Variants in MYLK observed in about 807,000 individuals in gnomAD.
MYLK encodes the protein myosin light chain kinase, also known as myosin light chain kinase, smooth muscle.
Under a neutral mutation model 203.4 loss-of-function variants are expected in MYLK, and 106 were observed. The ratio of observed to expected loss-of-function variants is 0.52; its 90% CI spans 0.45 to 0.61. The LOEUF (loss-of-function observed/expected upper bound fraction) is 0.61, where lower values mean the gene tolerates loss of function less well. Ranked by LOEUF, MYLK falls within the 20% of genes least tolerant of loss-of-function variation. The pLI, the probability that MYLK is intolerant of heterozygous loss-of-function variation, is 0.00. For missense variants in MYLK, 2,072 were observed against 2,442.3 expected (o/e 0.85, Z 3.20); for synonymous variants, 867 against 959.5 (o/e 0.90, Z 1.78).
In MYLK at chr3:123,787,508, G is replaced by A. The variant is rs150016921; in HGVS notation, c.165+6169C>T. Among the ~76,000 whole-genome samples the A allele has an allele frequency of 2.3e-3, 351 of 152,298 alleles. 4 individuals are homozygous for A. Among genetic ancestry groups the A allele is most frequent in the Middle Eastern group, 0.02 (6 of 294 alleles). On this transcript the variant is annotated intron_variant, in intron 4 of 33. Coordinates refer to ENST00000360304, the MANE Select transcript of MYLK (RefSeq NM_053025.4). Reference sequence around the variant, plus strand: ...CTCAGGGGCACCAAACACTGCTTGAGCATTCATCATATGGCAGGCATTCAT... The same window carrying A: ...CTCAGGGGCACCAAACACTGCTTGAACATTCATCATATGGCAGGCATTCAT...
chr3:123,807,911 A>C (rs1303263213), intron 3 of MYLK, among the ~76,000 whole-genome samples: 1 of 152,198 alleles, frequency 6.6e-6, no homozygotes, highest in Non-Finnish European at 1.5e-5. Context: ...CAGTGTGACA[A>C]GCTCTATGTT....
chr3:123,785,870 T>C (rs1432989714), intron 4 of MYLK, among the ~76,000 whole-genome samples: 1 of 152,222 alleles, frequency 6.6e-6, no homozygotes, highest in East Asian at 1.9e-4. Flanking sequence ...TTCATGTTAA[T>C]TTAAGTTTAA....
At chr3:123,708,935 T>G (rs1576670742) in intron 14 of MYLK, 40 bp from the exon 15 acceptor site, 1 of 1,579,260 alleles carries the variant, frequency 6.3e-7, no homozygotes, top group Non-Finnish European at 8.7e-7. Flanking sequence ...GTTAGGGAGG[T>G]CCTCCCCGGC....
chr3:123,733,174 G>A (rs2062547965), intron 10 of MYLK, 72 bp from the exon 11 acceptor site: 5 of 1,525,962 alleles, frequency 3.3e-6, no homozygotes, highest in South Asian at 1.2e-5. Context: ...GGTAGGTGGG[G>A]AAGGTGTGAG....
At chr3:123,709,134 ATTT>A (rs1161776768) in intron 14 of MYLK, 1,752 of 171,174 alleles carry the variant, frequency 0.01, no homozygotes, top group South Asian at 0.024. Context: ...TTCTCACATA[ATTT>A]TTTTTTTTTT....
chr3:123,742,851 G>A lies in MYLK; in HGVS notation c.374-2850C>T, dbSNP rs368950236. Among the ~76,000 whole-genome samples, 22 of 152,312 alleles carry A rather than the reference G, an allele frequency of 1.4e-4. 1 individual carries two copies. In the South Asian group the frequency reaches 2.9e-3, roughly 20 times the overall value. On this transcript the variant is annotated intron_variant, in intron 5 of 33. Transcript: ENST00000360304. ...GATGGACATTGAAAAAGTGCATTAA[G>A]TGAAGGAGCTCAGACCCAAAAGGCC...
chr3:123,692,638 G>T, intron 19 of MYLK, 97 bp downstream of exon 19: 1 of 989,034 alleles, frequency 1.0e-6, no homozygotes, highest in Non-Finnish European at 1.6e-6. Flanking sequence ...AGTGTTGGAG[G>T]CAGTTCTGTC....
intron 4 of MYLK, among the ~76,000 whole-genome samples, chr3:123,775,314 T>C (rs2064032166): frequency 6.6e-6 from 1 of 152,222 alleles, no homozygotes; most frequent in African/African-American, 2.4e-5. Context: ...ATTATAGGCA[T>C]GGGGTACCTC....
At position 123,640,300 on chromosome 3, in the gene MYLK, C is replaced by G. The variant is rs747423188; in HGVS notation, c.4824G>C (p.Leu1608=). 2 of 1,613,798 alleles carry G rather than the reference C, an allele frequency of 1.2e-6. No individual in the cohort carries two copies. The highest frequency in any genetic ancestry group is 1.7e-5 in the Admixed American group (1 of 59,988). ...GATGAGCCTTACCCAGCCTCCTGGC[C>G]AGACCAAAGTCGATGAGCTTGATCC... The part of the protein sequence containing the change: ...GTRIKLIDFG[L]ARRLENAGSL... Residue 1608 remains leucine, a synonymous_variant, in exon 28 of 34, where the codon CTG becomes CTC. Coordinates refer to ENST00000360304, the MANE Select transcript of MYLK (RefSeq NM_053025.4). The surrounding 1 kb of genome is among the most constrained non-coding windows in gnomAD (Gnocchi z 4.3).
intron 4 of MYLK, among the ~76,000 whole-genome samples, chr3:123,771,481 T>C (rs557518511): frequency 1.3e-5 from 2 of 152,342 alleles, no homozygotes; most frequent in African/African-American, 4.8e-5. Context: ...TTTCTCTTTG[T>C]AATACAATCA....
At chr3:123,730,858 T>C (rs2062451198) in intron 11 of MYLK, among the ~76,000 whole-genome samples, 1 of 152,206 alleles carries the variant, frequency 6.6e-6, no homozygotes, top group Admixed American at 6.5e-5. Flanking sequence ...ACTCTGTGAA[T>C]ATATTAAAAA....
chr3:123,787,662 G>A (rs2064588448), intron 4 of MYLK, among the ~76,000 whole-genome samples: 1 of 152,090 alleles, frequency 6.6e-6, no homozygotes, highest in African/African-American at 2.4e-5. Context: ...ATCACTTACT[G>A]GTGTAAATGT....
intron 1 of MYLK, among the ~76,000 whole-genome samples, chr3:123,883,421 C>T (rs190109516): frequency 6.6e-6 from 1 of 152,110 alleles, no homozygotes; most frequent in African/African-American, 2.4e-5. Context: ...GTGCCCCGCA[C>T]CCCAACACAC....
intron 29 of MYLK, chr3:123,630,438 T>A (rs2058364188): frequency 6.6e-6 from 1 of 152,240 alleles, no homozygotes; most frequent in African/African-American, 2.4e-5. Flanking sequence ...ACAAGTGAAC[T>A]CACTTAATCT....
chr3:123,873,238 A>T (rs1464449229), intron 2 of MYLK, among the ~76,000 whole-genome samples: 2 of 152,198 alleles, frequency 1.3e-5, no homozygotes, highest in Non-Finnish European at 2.9e-5. Flanking sequence ...TGAACAAATC[A>T]TTATTCATTC....
At chr3:123,654,181 C>T (rs2059318201) in intron 24 of MYLK, among the ~76,000 whole-genome samples, 1 of 152,196 alleles carries the variant, frequency 6.6e-6, no homozygotes, top group Admixed American at 6.5e-5. Flanking sequence ...CTGCTCTATG[C>T]ATATTGACAT....
At chr3:123,853,116 T>C (rs927084431) in intron 2 of MYLK, among the ~76,000 whole-genome samples, 2 of 151,510 alleles carry the variant, frequency 1.3e-5, no homozygotes, top group Non-Finnish European at 2.9e-5. Context: ...AGTCACCGAA[T>C]AACTCTAGAG....
chr3:123,647,327 T>C lies in MYLK; in HGVS notation c.4516A>G (p.Ile1506Val). 6.2e-7 allele frequency: 1 copy of C among 1,614,242 alleles called. No homozygotes were observed. Among genetic ancestry groups the C allele is most frequent in the Non-Finnish European group, 8.5e-7 (1 of 1,180,022 alleles). ...KAYSAKEKEN[I>V]RQEISIMNCL... ...TTCATGATGCTAATCTCCTGCCGGA[T>C]ATTCTCTTTCTCTTTTGCTGAATAT... The change falls in exon 27 of 34, where the codon ATC becomes GTC. Residue 1506 changes from isoleucine (I) to valine (V), a missense_variant. Ile to Val is a conservative substitution (Grantham distance 29, BLOSUM62 3). Around this residue, in one of 3 missense-constraint regions of MYLK, gnomAD observed 524 missense variants for 782.4 expected, o/e 0.67. Coordinates refer to ENST00000360304, the MANE Select transcript of MYLK (RefSeq NM_053025.4).
intron 29 of MYLK, chr3:123,630,822 T>C (rs1456374203): frequency 6.6e-6 from 1 of 152,142 alleles, no homozygotes; most frequent in Non-Finnish European, 1.5e-5. Flanking sequence ...CAAAACAAAA[T>C]AGAGCAGATT....
Sources: allele counts gnomAD v4.1 joint callset (sites outside exome capture counted in the v4.1 genomes callset), GRCh38; gene constraint gnomAD v4.1.1; regional missense constraint gnomAD v4.1.1; non-coding constraint Gnocchi (gnomAD v3.1); transcripts MANE v1.5; gene names NCBI Gene and HGNC (gene_info 2026-07-23, HGNC 2026-07-21).